Variants in NAALADL2 observed in about 807,000 individuals in gnomAD.
The protein encoded by NAALADL2 is inactive N-acetylated-alpha-linked acidic dipeptidase-like protein 2.
NAALADL2 carries 76 observed loss-of-function variants against 87.2 expected under a neutral mutation model. The ratio of observed to expected loss-of-function variants is 0.87; its 90% CI spans 0.72 to 1.05. The LOEUF (loss-of-function observed/expected upper bound fraction) is 1.05, where lower values mean the gene tolerates loss of function less well. Among genes scored for constraint, NAALADL2 ranks in the 50% least tolerant of loss-of-function variants. NAALADL2 has a pLI of 0.00. For synonymous variants in NAALADL2, 354 were observed against 331.0 expected (o/e 1.07, Z -0.75); for missense variants, 1,089 against 945.8 (o/e 1.15, Z -1.99).
chr3:174,530,816 A>G (rs1194755685), intron 1 of NAALADL2, among the ~76,000 whole-genome samples: 1 of 152,222 alleles, frequency 6.6e-6, no homozygotes, highest in Non-Finnish European at 1.5e-5. Context: ...CAGCCAAACT[A>G]TATCACTGGG....
At chr3:174,803,598 C>G (rs35374165) in intron 3 of NAALADL2, among the ~76,000 whole-genome samples, 33,817 of 149,330 alleles carry the variant, frequency 0.23, 3,894 homozygotes, top group East Asian at 0.35. Flanking sequence ...TTTTTATGGT[C>G]TTAGGTCTTA....
chr3:174,708,425 A>G (rs1028632577), intron 2 of NAALADL2, among the ~76,000 whole-genome samples: 1 of 152,302 alleles, frequency 6.6e-6, no homozygotes, highest in African/African-American at 2.4e-5. Context: ...AATGAGTGAT[A>G]TATCATTTAT....
chr3:174,674,412 T>A (rs1726850857), intron 2 of NAALADL2, among the ~76,000 whole-genome samples: 2 of 152,006 alleles, frequency 1.3e-5, no homozygotes, highest in Admixed American at 1.3e-4. Flanking sequence ...AAGCCATACA[T>A]GTCTTGTCAT....
At chr3:175,540,804 T>G (rs1180537450) in intron 9 of NAALADL2, among the ~76,000 whole-genome samples, 1 of 152,120 alleles carries the variant, frequency 6.6e-6, no homozygotes, top group Non-Finnish European at 1.5e-5. Context: ...TACCATTTAC[T>G]AAATAGGGGC....
At chr3:175,737,777 T>C (rs1385991062) in intron 12 of NAALADL2, among the ~76,000 whole-genome samples, 2 of 137,052 alleles carry the variant, frequency 1.5e-5, no homozygotes, top group East Asian at 2.1e-4. Context: ...TCAAACAAGA[T>C]TGGCCCAGAA....
chr3:174,744,670 G>A (rs1734081465), intron 3 of NAALADL2, among the ~76,000 whole-genome samples: 1 of 151,924 alleles, frequency 6.6e-6, no homozygotes, highest in African/African-American at 2.4e-5. Flanking sequence ...CACATGGCAT[G>A]TTCTCTAAAA....
chr3:175,443,459 G>C (rs144504814), intron 5 of NAALADL2, among the ~76,000 whole-genome samples: 12 of 152,030 alleles, frequency 7.9e-5, no homozygotes, highest in African/African-American at 2.9e-4. Context: ...TTAATTTTAG[G>C]GCAAGGATAA....
chr3:175,461,894 T>G (rs1169399403), intron 6 of NAALADL2, among the ~76,000 whole-genome samples: 1 of 151,938 alleles, frequency 6.6e-6, no homozygotes, highest in Non-Finnish European at 1.5e-5. Context: ...AAGGCAGAAC[T>G]ATGAGACAAT....
chr3:174,764,358 T>C (rs1039957355), intron 3 of NAALADL2, among the ~76,000 whole-genome samples: 29 of 152,242 alleles, frequency 1.9e-4, no homozygotes, highest in Admixed American at 2.0e-4. Context: ...CAGTGGCTTA[T>C]GCCTGCACTT....
chr3:174,809,168 G>T (rs1402564941), intron 3 of NAALADL2, among the ~76,000 whole-genome samples: 2 of 152,042 alleles, frequency 1.3e-5, no homozygotes, highest in African/African-American at 4.8e-5. Context: ...TAAACCTGAA[G>T]CAGGTAGAAA....
intron 5 of NAALADL2, among the ~76,000 whole-genome samples, chr3:175,424,988 T>A (rs1716538388): frequency 6.6e-6 from 1 of 152,180 alleles, no homozygotes; most frequent in South Asian, 2.1e-4. Flanking sequence ...TGAATTCAAC[T>A]ACTGTAGGGA....
intron 3 of NAALADL2, among the ~76,000 whole-genome samples, chr3:175,250,973 A>C (rs955670154): frequency 4.6e-5 from 7 of 152,314 alleles, no homozygotes; most frequent in African/African-American, 1.7e-4. Context: ...GCTTTATGGC[A>C]CCCATAAAAA....
At chr3:174,538,261 C>A (rs1721906443) in intron 1 of NAALADL2, among the ~76,000 whole-genome samples, 1 of 152,088 alleles carries the variant, frequency 6.6e-6, no homozygotes. Flanking sequence ...ATGGGCCCCT[C>A]CTGTTGGCCC....
At position 175,071,231 on chromosome 3, in the gene NAALADL2, T is replaced by A. The variant is rs1715578839; in HGVS notation, c.44-25559T>A. ...ATTAATGCCACAAAGCGTGTCTGAC[T>A]TGTTTTGGTGTAAAGAATGTTTTTC... is the stretch of plus-strand genomic sequence containing the variant. On this transcript the variant is annotated intron_variant, in intron 1 of 13. Transcript: ENST00000454872. Among the ~76,000 whole-genome samples, 3 of 152,152 alleles carry A rather than the reference T, an allele frequency of 2.0e-5. No individual in the cohort carries two copies. In the South Asian group the frequency reaches 6.2e-4, roughly 31 times the overall value.
intron 1 of NAALADL2, among the ~76,000 whole-genome samples, chr3:174,936,200 T>C (rs1428145775): frequency 6.6e-6 from 1 of 152,142 alleles, no homozygotes; most frequent in East Asian, 1.9e-4. Context: ...GACATTGTTA[T>C]ATATATGCTT....
chr3:175,199,244 ATTTATGC>A (rs1025607034), intron 2 of NAALADL2, among the ~76,000 whole-genome samples: 16 of 152,218 alleles, frequency 1.1e-4, no homozygotes, highest in Admixed American at 2.6e-4. Flanking sequence ...TTCTCTCTGG[ATTTATGC>A]TTCATCTAGC....
At chr3:174,516,698 A>G (rs955090664) in intron 1 of NAALADL2, among the ~76,000 whole-genome samples, 2 of 152,056 alleles carry the variant, frequency 1.3e-5, no homozygotes, top group African/African-American at 2.4e-5. Flanking sequence ...TTTCATTTTT[A>G]TATTACTTTT....
At chr3:174,850,214 A>C (rs1238746459) in intron 3 of NAALADL2, among the ~76,000 whole-genome samples, 1 of 151,948 alleles carries the variant, frequency 6.6e-6, no homozygotes, top group Non-Finnish European at 1.5e-5. Flanking sequence ...CACTTTGAAT[A>C]TTTCATCCTA....
intron 1 of NAALADL2, among the ~76,000 whole-genome samples, chr3:174,478,018 A>G (rs1419807511): frequency 6.6e-6 from 1 of 152,182 alleles, no homozygotes; most frequent in African/African-American, 2.4e-5. Flanking sequence ...ACATTTAGTC[A>G]AAAAGAAAAA....
Sources: allele counts gnomAD v4.1 joint callset (sites outside exome capture counted in the v4.1 genomes callset), GRCh38; gene constraint gnomAD v4.1.1; transcripts MANE v1.5; gene names NCBI Gene and HGNC (gene_info 2026-07-23, HGNC 2026-07-21).